The following GGH variants were observed in gnomAD, a reference collection of about 807,000 sequenced individuals.
GGH encodes gamma-glutamyl hydrolase.
A neutral mutation model predicts 39.2 loss-of-function variants in GGH; 18 were observed. The observed-to-expected ratio is 0.46, with a 90% CI of 0.32 to 0.68. GGH has a LOEUF of 0.68. Ranked by LOEUF, GGH falls within the 30% of genes least tolerant of loss-of-function variation. The pLI is 0.04. For missense variants in GGH, 367 were observed against 384.1 expected (o/e 0.96, Z 0.37); for synonymous variants, 147 against 138.8 (o/e 1.06, Z -0.42).
intron 8 of GGH, 73 bp downstream of exon 8, chr8:63,017,420 G>C: frequency 1.1e-6 from 1 of 942,820 alleles, no homozygotes; most frequent in African/African-American, 1.6e-5. Context: ...CAAAAGGGTA[G>C]GCAAAAGTTC....
chr8:63,026,337 T>G, intron 4 of GGH, 41 bp from the exon 5 acceptor site: 1 of 1,528,834 alleles, frequency 6.5e-7, no homozygotes, highest in Non-Finnish European at 8.9e-7. Flanking sequence ...TTATTCAAAC[T>G]TTTCAAAATA....
At chr8:63,037,298 G>A (rs189292239) in intron 1 of GGH, among the ~76,000 whole-genome samples, 167 of 152,226 alleles carry the variant, frequency 1.1e-3, no homozygotes, top group South Asian at 6.6e-3. Context: ...ATAGGAAATG[G>A]AGTGGTACAG....
chr8:63,031,575 A>G (rs948552112), intron 2 of GGH, among the ~76,000 whole-genome samples: 3 of 152,218 alleles, frequency 2.0e-5, no homozygotes, highest in African/African-American at 7.2e-5. Context: ...TAGATCACAC[A>G]GCTGCACTCC....
At chr8:63,024,757 G>A (rs931097044) in intron 5 of GGH, 14 of 152,234 alleles carry the variant, frequency 9.2e-5, no homozygotes, top group East Asian at 1.9e-4. Flanking sequence ...AGAAACTGAC[G>A]TTTTCAAGGC....
rs578157680 is a variant in GGH at position 63,017,778 on chromosome 8, T to G, written c.698-148A>C. 4.5e-5 allele frequency: 24 copies of G among 531,290 alleles called. No homozygotes were observed. The African/African-American group carries it at 4.7e-4, about 10-fold the overall frequency. 32.9% of individuals were successfully genotyped at this position (531,290 alleles called of 1,614,324 possible). ...ACATATTCTCTCAGACACAAAATAATTTCCATTCATAATCAATGTGAAAAT... is the reference window on the plus strand; with the variant it reads ...ACATATTCTCTCAGACACAAAATAAGTTCCATTCATAATCAATGTGAAAAT... On this transcript the variant is annotated intron_variant, in intron 7 of 8. Transcript: ENST00000260118.
chr8:63,028,739 C>T (rs953420569), intron 3 of GGH, among the ~76,000 whole-genome samples: 14 of 152,102 alleles, frequency 9.2e-5, no homozygotes, highest in African/African-American at 3.1e-4. Context: ...AAAATGGACT[C>T]CTTTTGCTGG....
intron 2 of GGH, among the ~76,000 whole-genome samples, chr8:63,034,399 A>C (rs1332003123): frequency 6.6e-6 from 1 of 152,212 alleles, no homozygotes; most frequent in African/African-American, 2.4e-5. Flanking sequence ...TTTTATTAGT[A>C]GTATTATATT....
chr8:63,038,259 C>T (rs1002204011), intron 1 of GGH, among the ~76,000 whole-genome samples: 2 of 152,120 alleles, frequency 1.3e-5, no homozygotes, highest in Non-Finnish European at 2.9e-5. Context: ...ATTTTAAATA[C>T]GCCATCAATA....
At chr8:63,027,643 C>A (rs1239984288) in intron 3 of GGH, among the ~76,000 whole-genome samples, 5 of 152,050 alleles carry the variant, frequency 3.3e-5, no homozygotes, top group African/African-American at 1.2e-4. Flanking sequence ...GATGCCAAAT[C>A]AATTGCAGGT....
rs1248769381 is a variant in GGH at position 63,023,958 on chromosome 8, C to A, written c.646G>T (p.Val216Phe). The stretch of plus-strand genomic sequence containing the variant: ...TTGCCATCTGTATTTGTAGTTAAGA[C>A]ATTGAAAAACTTCTTTAACTTTTCA... ...MNEKLKKFFN[V>F]LTTNTDGKIE... The change falls in exon 7 of 9, where the codon GTC (valine) becomes TTC (phenylalanine). Residue 216 changes from valine to phenylalanine, a missense_variant. By Grantham distance (50) the Val-to-Phe change is conservative (BLOSUM62 -1). Transcript: ENST00000260118. The A allele has an allele frequency of 6.3e-7, 1 of 1,595,102 alleles. No homozygotes were observed. The highest frequency in any genetic ancestry group is 8.6e-7 in the Non-Finnish European group (1 of 1,166,462).
chr8:63,026,267 C>A lies in GGH; in HGVS notation c.390G>T (p.Val130=), dbSNP rs756363442. The A allele has an allele frequency of 6.2e-7, 1 of 1,608,634 alleles. No individual in the cohort carries two copies. Among genetic ancestry groups the A allele is most frequent in the South Asian group, 1.1e-5 (1 of 89,924 alleles). Residue 130 remains valine, a synonymous_variant, in exon 5 of 9, where the codon GTG becomes GTT. Coordinates refer to ENST00000260118, the MANE Select transcript of GGH (RefSeq NM_003878.3). The part of the protein sequence containing the change: ...QSFDDGDYFP[V]WGTCLGFEEL... ...CTTCAAATCCAAGGCATGTGCCCCA[C>A]ACAGGAAAATAGTCTCCATCATCAA...
intron 7 of GGH, among the ~76,000 whole-genome samples, chr8:63,020,509 C>T (rs1804566917): frequency 1.3e-5 from 2 of 152,088 alleles, no homozygotes; most frequent in South Asian, 4.1e-4. Context: ...AAGAAACGTT[C>T]CCACACAGCA....
intron 8 of GGH, among the ~76,000 whole-genome samples, chr8:63,016,780 A>AT (rs966997980): frequency 6.6e-6 from 1 of 152,118 alleles, no homozygotes; most frequent in Non-Finnish European, 1.5e-5. Context: ...CAAATTCTCG[A>AT]TTTTTCCCAC....
At chr8:63,029,396 AT>A (rs2129666434) in intron 3 of GGH, among the ~76,000 whole-genome samples, 1 of 152,310 alleles carries the variant, frequency 6.6e-6, no homozygotes, top group South Asian at 2.1e-4. Context: ...ATAGTATTCT[AT>A]TGAATGTACA....
intron 4 of GGH, among the ~76,000 whole-genome samples, 154 bp from the exon 5 acceptor site, chr8:63,026,450 T>C (rs1804685929): frequency 2.0e-5 from 3 of 152,252 alleles, no homozygotes; most frequent in Admixed American, 2.0e-4. Context: ...ACTTAATCTC[T>C]CTTCAGACCA....
At chr8:63,036,542 A>C (rs1387831247) in intron 1 of GGH, among the ~76,000 whole-genome samples, 1 of 152,220 alleles carries the variant, frequency 6.6e-6, no homozygotes, top group Non-Finnish European at 1.5e-5. Flanking sequence ...GGTCGTAAGC[A>C]CTAAGGAGAG....
chr8:63,026,775 T>G (rs1341331235), intron 4 of GGH, among the ~76,000 whole-genome samples: 3 of 151,696 alleles, frequency 2.0e-5, no homozygotes, highest in African/African-American at 7.3e-5. Flanking sequence ...TGACATGGAG[T>G]CTATGGTAAC....
chr8:63,016,720 T>C (rs1804493380), intron 8 of GGH, among the ~76,000 whole-genome samples: 1 of 152,226 alleles, frequency 6.6e-6, no homozygotes, highest in African/African-American at 2.4e-5. Context: ...GCTTAAATCG[T>C]AGGACTTACT....
intron 4 of GGH, among the ~76,000 whole-genome samples, chr8:63,026,500 C>A (rs1371554662): frequency 6.6e-6 from 1 of 152,188 alleles, no homozygotes; most frequent in African/African-American, 2.4e-5. Flanking sequence ...TGTGGACACA[C>A]TGTATATCTT....
Sources: gnomAD v4.1 joint callset for allele counts (sites outside exome capture counted in the v4.1 genomes callset) on GRCh38, gnomAD v4.1.1 for gene constraint, MANE v1.5 for transcripts, NCBI Gene and HGNC (gene_info 2026-07-23, HGNC 2026-07-21) for gene names.